The following CTNNA2 variants were observed in gnomAD, a reference collection of about 807,000 sequenced individuals.
CTNNA2 encodes catenin alpha-2.
CTNNA2 carries 42 observed loss-of-function variants against 101.0 expected under a neutral mutation model. That is an observed-to-expected ratio of 0.42 (90% CI 0.32 to 0.54). The LOEUF (loss-of-function observed/expected upper bound fraction) is 0.54. Ranked by LOEUF, CTNNA2 falls within the 20% of genes least tolerant of loss-of-function variation. The probability of loss-of-function intolerance (pLI) is 0.14; values close to 1 mark genes in which losing one functional copy is unlikely to be tolerated. For missense variants in CTNNA2, 871 were observed against 1,223.1 expected (o/e 0.71, Z 4.29); for synonymous variants, 450 against 456.4 (o/e 0.99, Z 0.18).
intron 2 of CTNNA2, among the ~76,000 whole-genome samples, chr2:79,202,374 A>T: frequency 6.6e-6 from 1 of 150,628 alleles, no homozygotes; most frequent in Admixed American, 6.7e-5. Flanking sequence ...ACAGGGTCTC[A>T]CTCTGTCACC....
chr2:79,251,058 TTC>T (rs1375154690), intron 2 of CTNNA2, among the ~76,000 whole-genome samples: 1 of 152,130 alleles, frequency 6.6e-6, no homozygotes, highest in Non-Finnish European at 1.5e-5. Flanking sequence ...TTCCTACAGG[TTC>T]TGTTTGATGC....
chr2:80,083,624 T>C (rs1000758220), intron 7 of CTNNA2, among the ~76,000 whole-genome samples: 16 of 152,166 alleles, frequency 1.1e-4, no homozygotes, highest in Non-Finnish European at 1.9e-4. Flanking sequence ...GAGGATGTTC[T>C]TGAAGAGTCA....
At chr2:80,010,798 C>G (rs967729533) in intron 7 of CTNNA2, among the ~76,000 whole-genome samples, 4 of 151,852 alleles carry the variant, frequency 2.6e-5, no homozygotes, top group African/African-American at 7.3e-5. Flanking sequence ...TCAGCATTGT[C>G]TTTTGGAAAA....
chr2:79,491,328 T>G (rs1355500069), intron 4 of CTNNA2, among the ~76,000 whole-genome samples: 1 of 152,304 alleles, frequency 6.6e-6, no homozygotes, highest in Middle Eastern at 3.4e-3. Flanking sequence ...ACTCCAGGAC[T>G]CATATGCAGC....
intron 4 of CTNNA2, among the ~76,000 whole-genome samples, chr2:79,441,357 T>C (rs1304703949): frequency 6.6e-6 from 1 of 152,144 alleles, no homozygotes. Context: ...ATTTTTATGG[T>C]TTCATGCAGT....
chr2:80,291,531 T>C (rs185840363), intron 7 of CTNNA2, among the ~76,000 whole-genome samples: 5 of 152,344 alleles, frequency 3.3e-5, no homozygotes, highest in Admixed American at 3.3e-4. Flanking sequence ...CATCCAACTA[T>C]GGCTGTGATT....
chr2:80,026,302 A>C lies in CTNNA2; in HGVS notation c.1056+116505A>C, dbSNP rs559385975. Reference sequence around the variant, plus strand: ...AATGAGATGGGATGGATTCAGTTGCAAGTGATTGAAATGAATAACAAGCAT... The same window carrying C: ...AATGAGATGGGATGGATTCAGTTGCCAGTGATTGAAATGAATAACAAGCAT... On this transcript the variant is annotated intron_variant, in intron 7 of 18. Transcript: ENST00000402739. Among the ~76,000 whole-genome samples, 3 of 152,354 alleles carry C rather than the reference A, an allele frequency of 2.0e-5. 1 individual carries two copies. The South Asian group carries it at 6.2e-4, about 32-fold the overall frequency.
intron 9 of CTNNA2, among the ~76,000 whole-genome samples, chr2:80,516,252 T>G (rs1372313004): frequency 6.6e-6 from 1 of 152,122 alleles, no homozygotes; most frequent in Non-Finnish European, 1.5e-5. Flanking sequence ...CAACATTGGG[T>G]TTTTTTCTCA....
At chr2:79,765,460 A>G (rs187139279) in intron 3 of CTNNA2, among the ~76,000 whole-genome samples, 2 of 152,312 alleles carry the variant, frequency 1.3e-5, no homozygotes, top group Admixed American at 6.5e-5. Flanking sequence ...TGTATGCATT[A>G]AAATCGCCTG....
intron 7 of CTNNA2, among the ~76,000 whole-genome samples, chr2:79,988,114 C>T (rs1300219908): frequency 3.3e-5 from 5 of 152,188 alleles, no homozygotes; most frequent in Non-Finnish European, 5.9e-5. Flanking sequence ...GGGTTATGGA[C>T]AGGACACAAT....
chr2:80,564,182 A>G (rs537351868), intron 12 of CTNNA2, among the ~76,000 whole-genome samples: 1 of 152,322 alleles, frequency 6.6e-6, no homozygotes, highest in South Asian at 2.1e-4. Flanking sequence ...GCACTTTATT[A>G]CATCTTAATG....
intron 4 of CTNNA2, among the ~76,000 whole-genome samples, chr2:79,383,922 G>A (rs1167302262): frequency 6.6e-6 from 1 of 152,156 alleles, no homozygotes. Context: ...AGGAACAACT[G>A]TTATCTTTGA....
intron 7 of CTNNA2, among the ~76,000 whole-genome samples, chr2:79,955,181 A>G (rs962495670): frequency 1.3e-5 from 2 of 152,156 alleles, no homozygotes; most frequent in Non-Finnish European, 2.9e-5. Context: ...CTGCAGCACC[A>G]TATGTTTAGA....
At chr2:79,802,046 G>T (rs919803749) in intron 3 of CTNNA2, among the ~76,000 whole-genome samples, 1 of 148,774 alleles carries the variant, frequency 6.7e-6, no homozygotes, top group Non-Finnish European at 1.5e-5. Flanking sequence ...AAGCTATTCC[G>T]ATACAAAAGA....
chr2:79,994,909 G>A (rs1276309831), intron 7 of CTNNA2, among the ~76,000 whole-genome samples: 1 of 152,142 alleles, frequency 6.6e-6, no homozygotes. Context: ...ACCAGGAGGT[G>A]CCCAGTAAAT....
intron 7 of CTNNA2, among the ~76,000 whole-genome samples, chr2:80,017,276 G>C (rs1470524765): frequency 6.6e-6 from 1 of 152,020 alleles, no homozygotes; most frequent in Non-Finnish European, 1.5e-5. Flanking sequence ...GCACTAGTAG[G>C]TGTGCAACTA....
In CTNNA2 at chr2:80,457,936, G is replaced by T. The variant is rs534180953; in HGVS notation, c.1290+38335G>T. On this transcript the variant is annotated intron_variant, in intron 9 of 18. Coordinates refer to ENST00000402739, the MANE Select transcript of CTNNA2 (RefSeq NM_001282597.3). Reference sequence around the variant, plus strand: ...ATTCACTTTTGAACATGTGAAAAATGACTTCCTTGAAATTTTAGTTCATCG... The same window carrying T: ...ATTCACTTTTGAACATGTGAAAAATTACTTCCTTGAAATTTTAGTTCATCG... Among the ~76,000 whole-genome samples the T allele has an allele frequency of 4.3e-4, 66 of 152,272 alleles. No individual in the cohort carries two copies. In the Middle Eastern group the frequency reaches 0.014, roughly 31 times the overall value.
chr2:79,361,341 C>A (rs1677624246), intron 3 of CTNNA2, among the ~76,000 whole-genome samples: 1 of 151,962 alleles, frequency 6.6e-6, no homozygotes, highest in Non-Finnish European at 1.5e-5. Context: ...AGTTATGCTT[C>A]ATCACAATGA....
chr2:80,100,232 C>A (rs538882498), intron 7 of CTNNA2, among the ~76,000 whole-genome samples: 6 of 152,278 alleles, frequency 3.9e-5, no homozygotes, highest in Admixed American at 2.6e-4. Context: ...CTGCTCCCAA[C>A]CATGCATCTG....
Sources: gnomAD v4.1 joint callset for allele counts (sites outside exome capture counted in the v4.1 genomes callset) on GRCh38, gnomAD v4.1.1 for gene constraint, MANE v1.5 for transcripts, NCBI Gene and HGNC (gene_info 2026-07-23, HGNC 2026-07-21) for gene names.